FOXP2: variants seen among roughly 807,000 people sequenced by gnomAD.
The protein encoded by FOXP2 is forkhead box P2, also known as forkhead box protein P2.
Under a neutral mutation model 115.8 loss-of-function variants are expected in FOXP2, and 12 were observed. The observed-to-expected ratio is 0.10, with a 90% CI of 0.07 to 0.17. The LOEUF (loss-of-function observed/expected upper bound fraction) is 0.17, where lower values mean the gene tolerates loss of function less well. FOXP2 is among the 10% of genes least tolerant of loss of function. FOXP2 has a pLI of 1.00. For missense variants in FOXP2, 629 were observed against 843.5 expected (o/e 0.75, Z 3.15); for synonymous variants, 328 against 297.7 (o/e 1.10, Z -1.05).
chr7:114,356,803 A>G (rs1451800047), intron 2 of FOXP2, among the ~76,000 whole-genome samples: 2 of 152,176 alleles, frequency 1.3e-5, no homozygotes, highest in Admixed American at 6.5e-5. Context: ...GTAGATGTAG[A>G]TATTTATTAA....
chr7:114,382,108 C>T (rs940709174), intron 2 of FOXP2, among the ~76,000 whole-genome samples: 5 of 152,154 alleles, frequency 3.3e-5, no homozygotes, highest in Non-Finnish European at 7.3e-5. Flanking sequence ...GAGTAAAGTT[C>T]CCCAGTCACA....
intron 1 of FOXP2, among the ~76,000 whole-genome samples, chr7:114,203,071 C>T (rs1325014485): frequency 6.6e-6 from 1 of 152,186 alleles, no homozygotes; most frequent in Non-Finnish European, 1.5e-5. Flanking sequence ...GCTAAATTGT[C>T]TGCATCAGTA....
chr7:114,690,240 G>T lies in FOXP2; in HGVS notation c.*314G>T, dbSNP rs182146096. 113 of 473,198 alleles carry T rather than the reference G, an allele frequency of 2.4e-4. No individual in the cohort carries two copies. The highest frequency in any genetic ancestry group is 3.5e-4 in the Non-Finnish European group (85 of 240,188). The allele number at this position is 473,198 out of a possible 1,614,324, so 29.3% of individuals were successfully genotyped here. On this transcript the variant is annotated 3_prime_UTR_variant, in exon 17 of 17. Coordinates refer to ENST00000350908, the MANE Select transcript of FOXP2 (RefSeq NM_014491.4). Reference sequence around the variant, plus strand: ...CCATTTAAAAAATGTGGCTCTTAAGGGTTCATGAAATGACTGAATATGAGG... The same window carrying T: ...CCATTTAAAAAATGTGGCTCTTAAGTGTTCATGAAATGACTGAATATGAGG...
chr7:114,407,761 G>A (rs370520818), intron 2 of FOXP2, among the ~76,000 whole-genome samples: 35 of 152,050 alleles, frequency 2.3e-4, no homozygotes, highest in African/African-American at 3.9e-4. Flanking sequence ...TATTTATAGC[G>A]TTTTGCAAAA....
At chr7:114,086,478 C>G (rs1036444136), upstream of FOXP2, 10 of 349,400 alleles carry the variant, frequency 2.9e-5, no homozygotes, top group African/African-American at 1.6e-4. Context: ...CTCGGCCCCC[C>G]CCCTCCCCGG....
At chr7:114,516,512 T>C (rs1267108499) in intron 2 of FOXP2, among the ~76,000 whole-genome samples, 2 of 152,138 alleles carry the variant, frequency 1.3e-5, no homozygotes, top group Non-Finnish European at 2.9e-5. Flanking sequence ...TTCATTCCAT[T>C]TGAATATACA....
chr7:114,607,337 G>T (rs1017944233), intron 3 of FOXP2, among the ~76,000 whole-genome samples: 14 of 152,060 alleles, frequency 9.2e-5, no homozygotes, highest in African/African-American at 2.9e-4. Flanking sequence ...CTGAGGGGAA[G>T]AATACATTCA....
intron 2 of FOXP2, among the ~76,000 whole-genome samples, chr7:114,529,447 G>A (rs1799032914): frequency 6.6e-6 from 1 of 151,664 alleles, no homozygotes; most frequent in Non-Finnish European, 1.5e-5. Flanking sequence ...TGGTAAATAG[G>A]ATGCTTTGTA....
intron 2 of FOXP2, among the ~76,000 whole-genome samples, chr7:114,488,924 T>C (rs1324973309): frequency 6.6e-6 from 1 of 152,038 alleles, no homozygotes; most frequent in Non-Finnish European, 1.5e-5. Flanking sequence ...AAGAAAACAA[T>C]ACTGTGAAAT....
chr7:114,484,375 C>T (rs1415808212), intron 2 of FOXP2, among the ~76,000 whole-genome samples: 2 of 151,688 alleles, frequency 1.3e-5, no homozygotes, highest in Non-Finnish European at 3.0e-5. Flanking sequence ...TTATCTTAAC[C>T]TTTTAGTGCA....
chr7:114,688,586 C>T (rs1407294458), intron 16 of FOXP2, among the ~76,000 whole-genome samples: 1 of 152,058 alleles, frequency 6.6e-6, no homozygotes, highest in Non-Finnish European at 1.5e-5. Context: ...TAGGTTTTGG[C>T]AGATTTATCA....
chr7:114,652,097 C>T (rs1806294633), intron 8 of FOXP2, 106 bp from the exon 9 acceptor site: 2 of 982,174 alleles, frequency 2.0e-6, no homozygotes, highest in South Asian at 1.3e-5. Context: ...TCTGTTTTCC[C>T]AGTGCACAGA....
intron 2 of FOXP2, among the ~76,000 whole-genome samples, chr7:114,532,519 C>T (rs1371579349): frequency 6.6e-6 from 1 of 151,814 alleles, no homozygotes; most frequent in East Asian, 1.9e-4. Flanking sequence ...TTGAACAAAG[C>T]ATTCATAAAT....
chr7:114,626,451 A>G (rs960423414), intron 3 of FOXP2, among the ~76,000 whole-genome samples: 1 of 151,798 alleles, frequency 6.6e-6, no homozygotes, highest in Non-Finnish European at 1.5e-5. Flanking sequence ...TTAAAACGCT[A>G]TATACTGAAA....
Position 114,148,158 on chromosome 7 carries a change from T to A in FOXP2, c.-246-14786T>A, listed in dbSNP as rs151187086. 2.0e-3 allele frequency among the ~76,000 whole-genome samples: 311 copies of A among 152,114 alleles called. 1 individual carries two copies. Among genetic ancestry groups the A allele is most frequent in the Middle Eastern group, 0.01 (3 of 294 alleles). The stretch of plus-strand genomic sequence containing the variant: ...CACCGATGTAGATCTTTTAAGTAAT[T>A]GTGTGAATTGCGGGGATTGGGGGAA... On this transcript the variant is annotated intron_variant, in intron 1 of 19. Transcript: ENST00000635638.
At chr7:114,607,068 G>C (rs562622716) in intron 3 of FOXP2, among the ~76,000 whole-genome samples, 35 of 152,244 alleles carry the variant, frequency 2.3e-4, no homozygotes, top group African/African-American at 7.5e-4. Flanking sequence ...ATGTCAGAAA[G>C]GAGGAGAATA....
intron 1 of FOXP2, among the ~76,000 whole-genome samples, chr7:114,120,967 C>A (rs1478536022): frequency 6.6e-6 from 1 of 151,752 alleles, no homozygotes; most frequent in Admixed American, 6.6e-5. Context: ...ATACAGGACA[C>A]CAGCAGATTT....
intron 2 of FOXP2, among the ~76,000 whole-genome samples, chr7:114,356,565 A>T (rs1791621473): frequency 6.6e-6 from 1 of 152,188 alleles, no homozygotes; most frequent in Non-Finnish European, 1.5e-5. Flanking sequence ...ATTAATGTAA[A>T]CATCATCTGT....
At chr7:114,596,451 T>C (rs1461643874) in intron 3 of FOXP2, among the ~76,000 whole-genome samples, 1 of 152,066 alleles carries the variant, frequency 6.6e-6, no homozygotes, top group Non-Finnish European at 1.5e-5. Flanking sequence ...CTGAGAGAGC[T>C]TTCTGAAGCA....
Sources: gnomAD v4.1 joint callset for allele counts (sites outside exome capture counted in the v4.1 genomes callset) on GRCh38, gnomAD v4.1.1 for gene constraint, MANE v1.5 for transcripts, NCBI Gene and HGNC (gene_info 2026-07-23, HGNC 2026-07-21) for gene names.